DLGAP2: variants seen among roughly 807,000 people sequenced by gnomAD.
DLGAP2 encodes the protein DLG associated protein 2.
DLGAP2 carries 26 observed loss-of-function variants against 100.3 expected under a neutral mutation model. That is an observed-to-expected ratio of 0.26 (90% CI 0.19 to 0.36). DLGAP2 has a LOEUF of 0.36. Among genes scored for constraint, DLGAP2 ranks in the 10% least tolerant of loss-of-function variants. DLGAP2 has a pLI of 1.00. For missense variants in DLGAP2, 1,858 were observed against 1,453.2 expected, an observed-to-expected ratio of 1.28 and a Z score of -4.53; for synonymous variants, 886 against 630.1, an observed-to-expected ratio of 1.41 and a Z score of -6.08.
intron 2 of DLGAP2, among the ~76,000 whole-genome samples, chr8:1,117,010 C>T (rs984432722): frequency 6.6e-6 from 1 of 152,162 alleles, no homozygotes; most frequent in South Asian, 2.1e-4. Context: ...AAAATAAACC[C>T]GATGTGCAGT....
At chr8:1,563,355 G>T (rs548006488) in intron 5 of DLGAP2, among the ~76,000 whole-genome samples, 1 of 34,516 alleles carries the variant, frequency 2.9e-5, no homozygotes, top group African/African-American at 1.5e-4. Context: ...GGGTGTCCGC[G>T]CCTCATTACT....
intron 3 of DLGAP2, among the ~76,000 whole-genome samples, chr8:1,272,136 C>G (rs1200935169): frequency 6.6e-6 from 1 of 152,144 alleles, no homozygotes; most frequent in Non-Finnish European, 1.5e-5. Context: ...TCATTATTCT[C>G]CGTTTTCTCA....
intron 4 of DLGAP2, among the ~76,000 whole-genome samples, chr8:1,539,854 C>T (rs555809607): frequency 5.4e-5 from 8 of 149,098 alleles, no homozygotes; most frequent in Non-Finnish European, 8.9e-5. Context: ...CCTTGTAGGG[C>T]CTCCCTTCCC....
chr8:964,754 C>G (rs1250372839), intron 2 of DLGAP2, among the ~76,000 whole-genome samples: 3 of 152,196 alleles, frequency 2.0e-5, no homozygotes, highest in African/African-American at 4.8e-5. Flanking sequence ...CCGCCTCCAC[C>G]TACCCTCCCC....
intron 6 of DLGAP2, among the ~76,000 whole-genome samples, chr8:1,595,428 C>T (rs550868362): frequency 6.6e-6 from 1 of 151,974 alleles, no homozygotes; most frequent in East Asian, 1.9e-4. Context: ...CTTTGGGAGG[C>T]CGAGGCGGGT....
At chr8:1,129,554 A>G (rs1217332043) in intron 2 of DLGAP2, among the ~76,000 whole-genome samples, 2 of 152,132 alleles carry the variant, frequency 1.3e-5, no homozygotes, top group Non-Finnish European at 2.9e-5. Flanking sequence ...GGAGACGTTG[A>G]TATTATTTCG....
intron 3 of DLGAP2, among the ~76,000 whole-genome samples, chr8:1,318,547 G>T (rs1471752432): frequency 6.6e-6 from 1 of 151,092 alleles, no homozygotes. Flanking sequence ...CAGGAGGCCT[G>T]TTGTCAGGGC....
At chr8:1,159,275 G>A (rs971028653) in intron 2 of DLGAP2, among the ~76,000 whole-genome samples, 1 of 152,190 alleles carries the variant, frequency 6.6e-6, no homozygotes, top group African/African-American at 2.4e-5. Context: ...TCTGTCTCAA[G>A]AGTCTCCTGT....
At chr8:885,759 T>G (rs1797910299) in intron 1 of DLGAP2, among the ~76,000 whole-genome samples, 1 of 152,242 alleles carries the variant, frequency 6.6e-6, no homozygotes, top group African/African-American at 2.4e-5. Context: ...GCTGTGGGTT[T>G]GTCGTAAATA....
intron 2 of DLGAP2, among the ~76,000 whole-genome samples, chr8:920,919 C>G (rs1414586200): frequency 6.6e-6 from 1 of 152,212 alleles, no homozygotes; most frequent in African/African-American, 2.4e-5. Context: ...GCAGGATGAG[C>G]TGAATCCTGG....
intron 1 of DLGAP2, among the ~76,000 whole-genome samples, chr8:876,999 G>GTTTT (rs78770250): frequency 1.4e-5 from 2 of 143,116 alleles, no homozygotes; most frequent in Non-Finnish European, 3.1e-5. Flanking sequence ...TTTTTACCAG[G>GTTTT]TTTTTTTTTT....
At chr8:767,354 T>G (rs1821240882) in intron 1 of DLGAP2, among the ~76,000 whole-genome samples, 1 of 149,684 alleles carries the variant, frequency 6.7e-6, no homozygotes, top group East Asian at 1.9e-4. Flanking sequence ...GACTGTTTTT[T>G]TTTTTTTTTT....
intron 1 of DLGAP2, among the ~76,000 whole-genome samples, chr8:749,524 T>C (rs911262016): frequency 1.3e-5 from 2 of 152,204 alleles, no homozygotes; most frequent in Non-Finnish European, 2.9e-5. Context: ...CTTTTATAAG[T>C]TAATTTTCAT....
chr8:1,492,673 C>G (rs7845120), intron 3 of DLGAP2, among the ~76,000 whole-genome samples: 1 of 152,154 alleles, frequency 6.6e-6, no homozygotes, highest in East Asian at 2.0e-4. Flanking sequence ...TCCTCACAGC[C>G]GGAGGCAGAG....
At chr8:1,350,888 C>G (rs149312908) in intron 3 of DLGAP2, among the ~76,000 whole-genome samples, 457 of 18,364 alleles carry the variant, frequency 0.025, 28 homozygotes, top group East Asian at 0.17. Context: ...CGGGTCCTGA[C>G]TGTGCGTGGA....
chr8:1,256,886 A>T (rs897017962), intron 2 of DLGAP2, among the ~76,000 whole-genome samples: 1 of 152,040 alleles, frequency 6.6e-6, no homozygotes, highest in Non-Finnish European at 1.5e-5. Flanking sequence ...CTCCCTCCAC[A>T]GGCCTTGTGA....
chr8:1,363,922 C>T (rs1293849277), intron 3 of DLGAP2, among the ~76,000 whole-genome samples: 1 of 152,178 alleles, frequency 6.6e-6, no homozygotes, highest in African/African-American at 2.4e-5. Flanking sequence ...GGGGGTCCCT[C>T]CCTGACAGTG....
chr8:1,417,959 G>A (rs1796978447), intron 3 of DLGAP2, among the ~76,000 whole-genome samples: 2 of 151,218 alleles, frequency 1.3e-5, no homozygotes, highest in African/African-American at 4.9e-5. Context: ...CGTCTGTCGT[G>A]AAAAAAAAAG....
intron 3 of DLGAP2, among the ~76,000 whole-genome samples, chr8:1,477,581 G>A (rs1391387493): frequency 2.0e-5 from 3 of 152,174 alleles, no homozygotes; most frequent in Non-Finnish European, 4.4e-5. Context: ...CCTGTCTACT[G>A]TGGTTCCTAA....
Sources: gnomAD v4.1 joint callset for allele counts (sites outside exome capture counted in the v4.1 genomes callset) on GRCh38, gnomAD v4.1.1 for gene constraint, MANE v1.5 for transcripts, NCBI Gene and HGNC (gene_info 2026-07-23, HGNC 2026-07-21) for gene names.